The following OR5A2 variants were observed in gnomAD, a reference collection of about 807,000 sequenced individuals.
OR5A2 encodes olfactory receptor 5A2.
For missense variants in OR5A2, 406 were observed against 398.9 expected, an observed-to-expected ratio of 1.02 and a Z score of -0.15; for synonymous variants, 155 against 151.1, an observed-to-expected ratio of 1.03 and a Z score of -0.19.
At chr11:59,424,755 G>A (rs1196371927) in intron 1 of OR5A2, 1 of 152,172 alleles carries the variant, frequency 6.6e-6, no homozygotes, top group East Asian at 1.9e-4. Flanking sequence ...TGGTAACTGT[G>A]GTTCTGTGTC....
At chr11:59,424,097 A>T (rs1249735213) in intron 1 of OR5A2, 1 of 152,252 alleles carries the variant, frequency 6.6e-6, no homozygotes, top group African/African-American at 2.4e-5. Context: ...AGAAAGACAG[A>T]CTGGCACTGA....
chr11:59,424,199 A>G (rs1403659397), intron 1 of OR5A2: 2 of 152,146 alleles, frequency 1.3e-5, no homozygotes, highest in African/African-American at 2.4e-5. Flanking sequence ...GAGCTCAAGA[A>G]TTTGAGAACA....
rs1247021345 is a variant in OR5A2, at chr11:59,422,628, C to T, written c.326G>A (p.Gly109Glu). 1 of 1,614,118 alleles carries T rather than the reference C, an allele frequency of 6.2e-7. No homozygotes were observed. The highest frequency in any genetic ancestry group is 1.1e-5 in the South Asian group (1 of 91,080). Reference sequence around the variant, plus strand: ...TGCCAGGAGAAAGCATTCAGTCAGCCCCATCCCACAGAAGACAAAGTACTG... The same window carrying T: ...TGCCAGGAGAAAGCATTCAGTCAGCTCCATCCCACAGAAGACAAAGTACTG... ...ATQYFVFCGM[G>E]LTECFLLAAM... Residue 109 changes from glycine (G) to glutamate (E), a missense_variant, in exon 2 of 2, where the codon GGG becomes GAG. By Grantham distance (98) the Gly-to-Glu change is moderately conservative. Transcript: ENST00000302040.
Position 59,421,915 on chromosome 11 carries a change from C to A in OR5A2, c.*64G>T. 1 of 1,461,922 alleles carries A rather than the reference C, an allele frequency of 6.8e-7. No homozygotes were observed. The highest frequency in any genetic ancestry group is 9.2e-7 in the Non-Finnish European group (1 of 1,088,738). 90.6% of individuals were successfully genotyped at this position (1,461,922 alleles called of 1,614,324 possible). On this transcript the variant is annotated 3_prime_UTR_variant, in exon 2 of 2. Coordinates refer to ENST00000302040, the MANE Select transcript of OR5A2 (RefSeq NM_001001954.2). The stretch of plus-strand genomic sequence containing the variant: ...GATTCCCACAATTCATTCTATAGAT[C>A]AACTAGTTTAAAATTATGTAAATGT...
rs1438375884 is a variant in OR5A2, at chr11:59,418,285, G to T, written c.*3694C>A. ...TGTCTTTCTATATGGCTTCCTGACA[G>T]ATGGATAATTGTGCCACTGGCGTAA... On this transcript the variant is annotated 3_prime_UTR_variant, in exon 2 of 2. Coordinates refer to ENST00000302040, the MANE Select transcript of OR5A2 (RefSeq NM_001001954.2). The T allele has an allele frequency of 6.6e-6, 1 of 152,124 alleles. No homozygotes were observed. Among genetic ancestry groups the T allele is most frequent in the Non-Finnish European group, 1.5e-5 (1 of 68,002 alleles). The allele number at this position is 152,124 out of a possible 1,614,324, so 9.4% of individuals were successfully genotyped here.
chr11:59,422,028 TC>T lies in OR5A2; in HGVS notation c.925del (p.Asp309ThrfsTer13), dbSNP rs767152246. 6.2e-7 allele frequency: 1 copy of T among 1,613,504 alleles called. No homozygotes were observed. The highest frequency in any genetic ancestry group is 8.5e-7 in the Non-Finnish European group (1 of 1,179,672). The stretch of plus-strand genomic sequence containing the variant: ...TGGTCCACCGTGAGAAATCCCGGGG[TC>T]CCTTTCCATGGCTTTCCTCATGGCA... ...KNAMRKAMER[D>X]PGISHGGPFI... On this transcript the variant is annotated frameshift_variant, in exon 2 of 2. Transcript: ENST00000302040. LOFTEE classifies it low-confidence loss of function (END_TRUNC).
At chr11:59,423,444 T>A (rs1289300830) in intron 1 of OR5A2, 1 of 153,414 alleles carries the variant, frequency 6.5e-6, no homozygotes, top group Non-Finnish European at 1.5e-5. Context: ...TTAAGCATTA[T>A]AGATCTTTAG....
chr11:59,423,983 A>G (rs1302649011), intron 1 of OR5A2: 1 of 152,350 alleles, frequency 6.6e-6, no homozygotes, highest in African/African-American at 2.4e-5. Flanking sequence ...GGTTCATTCA[A>G]TATTTAAAGA....
chr11:59,422,020 T>C lies in OR5A2; in HGVS notation c.934A>G (p.Ile312Val), dbSNP rs768803721. 1.7e-5 allele frequency: 27 copies of C among 1,613,248 alleles called. No homozygotes were observed. Among genetic ancestry groups the C allele is most frequent in the Non-Finnish European group, 2.2e-5 (26 of 1,179,562 alleles). Residue 312 changes from isoleucine (I) to valine (V), a missense_variant, in exon 2 of 2, where the codon ATT becomes GTT. By Grantham distance (29) the Ile-to-Val change is conservative. Transcript: ENST00000302040. ...AAAATGAATGGTCCACCGTGAGAAA[T>C]CCCGGGGTCCCTTTCCATGGCTTTC... ...MRKAMERDPG[I>V]SHGGPFIFMT...
intron 1 of OR5A2, chr11:59,423,507 T>C (rs141286898): frequency 2.1e-4 from 32 of 152,812 alleles, no homozygotes; most frequent in African/African-American, 7.7e-4. Flanking sequence ...ATTTTTGACA[T>C]ATTCCATTTT....
In OR5A2 at chr11:59,422,510, G is replaced by A. The variant is rs141672631; in HGVS notation, c.444C>T (p.Gly148=). 70 of 1,613,968 alleles carry A rather than the reference G, an allele frequency of 4.3e-5. No individual in the cohort carries two copies. Among genetic ancestry groups the A allele is most frequent in the Admixed American group, 1.0e-4 (6 of 59,990 alleles). Residue 148 remains glycine, a synonymous_variant, in exon 2 of 2, where the codon GGC becomes GGT. Coordinates refer to ENST00000302040, the MANE Select transcript of OR5A2 (RefSeq NM_001001954.2). Reference sequence around the variant, plus strand: ...AACTAAGGAATCCACCCACATAGGCGCCAACCACCATCTTTAAACAAAGTG... The same window carrying A: ...AACTAAGGAATCCACCCACATAGGCACCAACCACCATCTTTAAACAAAGTG... The part of the protein sequence containing the change: ...SHTLCLKMVV[G]AYVGGFLSSF...
In OR5A2 at chr11:59,422,271, T is replaced by G; in HGVS notation, c.683A>C (p.Lys228Thr). The change falls in exon 2 of 2, where the codon AAG becomes ACG. Residue 228 changes from lysine (K) to threonine (T), a missense_variant. By Grantham distance (78) the Lys-to-Thr change is moderately conservative. Coordinates refer to ENST00000302040, the MANE Select transcript of OR5A2 (RefSeq NM_001001954.2). The stretch of plus-strand genomic sequence containing the variant: ...TGTCCTACCTGTAGCTGAGCTGATC[T>G]TCACAACAGCAGCAACAATGTAACC... ...SYGYIVAAVVKISSATGRTKA... is the reference protein window; with the variant it reads ...SYGYIVAAVVTISSATGRTKA... 6.2e-7 allele frequency: 1 copy of G among 1,614,100 alleles called. No homozygotes were observed. The highest frequency in any genetic ancestry group is 8.5e-7 in the Non-Finnish European group (1 of 1,180,016).
In OR5A2 at chr11:59,419,551, G is replaced by A. The variant is rs1012282272; in HGVS notation, c.*2428C>T. 2.6e-5 allele frequency: 4 copies of A among 152,088 alleles called. No homozygotes were observed. The highest frequency in any genetic ancestry group is 7.2e-5 in the African/African-American group (3 of 41,422). The allele number at this position is 152,088 out of a possible 1,614,324, so 9.4% of individuals were successfully genotyped here. ...CTGAGAATATTCGCCCAAGGTGGTC[G>A]GGGTACAGCTTGGTTTTATATATTT... On this transcript the variant is annotated 3_prime_UTR_variant, in exon 2 of 2. Coordinates refer to ENST00000302040, the MANE Select transcript of OR5A2 (RefSeq NM_001001954.2).
intron 1 of OR5A2, chr11:59,424,185 G>A (rs753204955): frequency 6.6e-6 from 1 of 152,194 alleles, no homozygotes; most frequent in Admixed American, 6.6e-5. Flanking sequence ...CAGCCCAATT[G>A]CTTGAGCTCA....
At position 59,420,551 on chromosome 11, in the gene OR5A2, T is replaced by A. The variant is rs1858209132; in HGVS notation, c.*1428A>T. The A allele has an allele frequency of 6.6e-6, 1 of 152,108 alleles. No individual in the cohort carries two copies. The highest frequency in any genetic ancestry group is 2.1e-4 in the South Asian group (1 of 4,826). The allele number at this position is 152,108 out of a possible 1,614,324, so 9.4% of individuals were successfully genotyped here. The stretch of plus-strand genomic sequence containing the variant: ...CAATAGTCCTAGGATAAAATTACTA[T>A]TATAATTTCCATTTTATGGTTAGGA... On this transcript the variant is annotated 3_prime_UTR_variant, in exon 2 of 2. Transcript: ENST00000302040.
rs1418406475 is a variant in OR5A2 at position 59,419,159 on chromosome 11, G to C, written c.*2820C>G. The C allele has an allele frequency of 6.6e-6, 1 of 152,140 alleles. No individual in the cohort carries two copies. Among genetic ancestry groups the C allele is most frequent in the Non-Finnish European group, 1.5e-5 (1 of 68,016 alleles). 9.4% of individuals were successfully genotyped at this position (152,140 alleles called of 1,614,324 possible). On this transcript the variant is annotated 3_prime_UTR_variant, in exon 2 of 2. Coordinates refer to ENST00000302040, the MANE Select transcript of OR5A2 (RefSeq NM_001001954.2). Reference sequence around the variant, plus strand: ...CTCTAGTTCCCTAAGAACTGCTTCTGATATGCAAGAGAAATCATAGAGATA... The same window carrying C: ...CTCTAGTTCCCTAAGAACTGCTTCTCATATGCAAGAGAAATCATAGAGATA...
rs778608484 is a variant in OR5A2, at chr11:59,422,733, T to C, written c.221A>G (p.Tyr74Cys). ...CATCTTAGGGGCGGTGGAGGACACA[T>C]AGCAGATGTCCAGGAAGGACAGGTT... is the stretch of plus-strand genomic sequence containing the variant. ...LSNLSFLDIC[Y>C]VSSTAPKMLS... Residue 74 changes from tyrosine to cysteine, a missense_variant, in exon 2 of 2, where the codon TAT becomes TGT. Tyr to Cys is a radical substitution (Grantham distance 194, BLOSUM62 -2). Transcript: ENST00000302040. 2.5e-6 allele frequency: 4 copies of C among 1,614,104 alleles called. No individual in the cohort carries two copies. The highest frequency in any genetic ancestry group is 3.4e-6 in the Non-Finnish European group (4 of 1,180,010).
At position 59,421,905 on chromosome 11, in the gene OR5A2, T is replaced by C; in HGVS notation, c.*74A>G. ...AAAAAAGCCTGATTCCCACAATTCA[T>C]TCTATAGATCAACTAGTTTAAAATT... On this transcript the variant is annotated 3_prime_UTR_variant, in exon 2 of 2. Coordinates refer to ENST00000302040, the MANE Select transcript of OR5A2 (RefSeq NM_001001954.2). 7.0e-7 allele frequency: 1 copy of C among 1,431,862 alleles called. No individual in the cohort carries two copies. Among genetic ancestry groups the C allele is most frequent in the South Asian group, 1.4e-5 (1 of 70,202 alleles). 88.7% of individuals were successfully genotyped at this position (1,431,862 alleles called of 1,614,324 possible). A position where few individuals can be genotyped will look rare whatever the true frequency, so the allele number is the denominator to read the frequency against.
In OR5A2 at chr11:59,420,037, T is replaced by G. The variant is rs1422687716; in HGVS notation, c.*1942A>C. On this transcript the variant is annotated 3_prime_UTR_variant, in exon 2 of 2. Transcript: ENST00000302040. ...AACATTTTGATTTTCTTCCTTGTTA[T>G]GCTACAGTCAGATTGTAAAGTAAGT... is the stretch of plus-strand genomic sequence containing the variant. 2.6e-5 allele frequency: 4 copies of G among 152,190 alleles called. No homozygotes were observed. Among genetic ancestry groups the G allele is most frequent in the African/African-American group, 9.6e-5 (4 of 41,454 alleles). 9.4% of individuals were successfully genotyped at this position (152,190 alleles called of 1,614,324 possible). A position where few individuals can be genotyped will look rare whatever the true frequency, so the allele number is the denominator to read the frequency against.
Sources: allele counts gnomAD v4.1 joint callset, GRCh38; gene constraint gnomAD v4.1.1; transcripts MANE v1.5; gene names NCBI Gene and HGNC (gene_info 2026-07-23, HGNC 2026-07-21).